NEGR1: variants seen among roughly 807,000 people sequenced by gnomAD.
NEGR1 encodes the protein IgLON family member 4.
A neutral mutation model predicts 40.9 loss-of-function variants in NEGR1; 10 were observed. That is an observed-to-expected ratio of 0.24 (90% CI 0.15 to 0.42). The LOEUF is 0.42. Among genes scored for constraint, NEGR1 ranks in the 10% least tolerant of loss-of-function variants. The pLI is 1.00. For synonymous variants in NEGR1, 185 were observed against 166.8 expected (o/e 1.11, Z -0.84); for missense variants, 352 against 438.9 (o/e 0.80, Z 1.77).
intron 1 of NEGR1, among the ~76,000 whole-genome samples, chr1:72,114,432 T>A (rs1649504038): frequency 6.6e-6 from 1 of 151,666 alleles, no homozygotes; most frequent in Admixed American, 6.6e-5. Context: ...TTAAAATAAA[T>A]CGTTATCTCT....
At chr1:72,052,818 A>T (rs1647074888) in intron 1 of NEGR1, among the ~76,000 whole-genome samples, 1 of 151,452 alleles carries the variant, frequency 6.6e-6, no homozygotes, top group South Asian at 2.1e-4. Context: ...AGACTTTATG[A>T]ACAATTTTTC....
intron 1 of NEGR1, among the ~76,000 whole-genome samples, chr1:72,189,111 C>A (rs1299834486): frequency 6.6e-6 from 1 of 151,494 alleles, no homozygotes; most frequent in East Asian, 1.9e-4. Flanking sequence ...TGCAGGAAGA[C>A]AGTCTCCCTA....
At chr1:71,839,466 G>A (rs1225257835) in intron 2 of NEGR1, among the ~76,000 whole-genome samples, 1 of 151,598 alleles carries the variant, frequency 6.6e-6, no homozygotes, top group East Asian at 1.9e-4. Flanking sequence ...CCACCTCAGA[G>A]TCACAAAGTG....
At chr1:71,441,492 T>G (rs1324207268) in intron 6 of NEGR1, among the ~76,000 whole-genome samples, 3 of 152,226 alleles carry the variant, frequency 2.0e-5, no homozygotes, top group Non-Finnish European at 4.4e-5. Context: ...TGGTGAATTA[T>G]GATGATCAAG....
intron 1 of NEGR1, among the ~76,000 whole-genome samples, chr1:72,027,539 T>C (rs1646822475): frequency 6.6e-6 from 1 of 151,880 alleles, no homozygotes; most frequent in African/African-American, 2.4e-5. Context: ...GAACCAGGTA[T>C]AAATAATAAT....
intron 3 of NEGR1, among the ~76,000 whole-genome samples, chr1:71,723,591 C>A (rs573524043): frequency 6.6e-6 from 1 of 152,188 alleles, no homozygotes; most frequent in East Asian, 1.9e-4. Context: ...TACCCCAGCT[C>A]CACAGAGACG....
intron 2 of NEGR1, among the ~76,000 whole-genome samples, chr1:71,804,140 A>C (rs1657666862): frequency 1.3e-5 from 2 of 152,160 alleles, no homozygotes; most frequent in African/African-American, 4.8e-5. Context: ...CATTTCTGAT[A>C]TTTATATAAA....
chr1:72,019,461 T>C (rs1233341610), intron 1 of NEGR1, among the ~76,000 whole-genome samples: 1 of 152,190 alleles, frequency 6.6e-6, no homozygotes, highest in Non-Finnish European at 1.5e-5. Flanking sequence ...ACCATATGCC[T>C]GGTTTCATCA....
At chr1:72,109,740 C>T (rs1277687858) in intron 1 of NEGR1, among the ~76,000 whole-genome samples, 1 of 151,580 alleles carries the variant, frequency 6.6e-6, no homozygotes, top group East Asian at 1.9e-4. Context: ...TCCTAACTGG[C>T]TTTAAATAAT....
At chr1:71,691,169 T>C (rs1653265364) in intron 4 of NEGR1, among the ~76,000 whole-genome samples, 1 of 151,934 alleles carries the variant, frequency 6.6e-6, no homozygotes, top group Non-Finnish European at 1.5e-5. Flanking sequence ...GTATGTCTAA[T>C]ATTTAAAACA....
chr1:71,545,842 A>G (rs1179792515), intron 6 of NEGR1, among the ~76,000 whole-genome samples: 1 of 151,634 alleles, frequency 6.6e-6, no homozygotes, highest in African/African-American at 2.4e-5. Flanking sequence ...CCTCCCATGC[A>G]TATATTTCTA....
At chr1:71,453,607 C>G (rs1646649113) in intron 6 of NEGR1, among the ~76,000 whole-genome samples, 1 of 152,146 alleles carries the variant, frequency 6.6e-6, no homozygotes, top group Admixed American at 6.5e-5. Context: ...GATAGAATTA[C>G]AATTTTTACC....
chr1:72,107,956 G>A (rs888694506), intron 1 of NEGR1, among the ~76,000 whole-genome samples: 1 of 151,204 alleles, frequency 6.6e-6, no homozygotes. Flanking sequence ...TCTATTTCCT[G>A]AAATCTGTGG....
At chr1:71,652,048 C>T (rs769543787) in intron 4 of NEGR1, among the ~76,000 whole-genome samples, 25 of 152,072 alleles carry the variant, frequency 1.6e-4, no homozygotes, top group Non-Finnish European at 2.9e-4. Flanking sequence ...TATTTTACAA[C>T]TAGAGAAACT....
At chr1:71,856,677 T>C (rs1659777200) in intron 2 of NEGR1, among the ~76,000 whole-genome samples, 1 of 152,084 alleles carries the variant, frequency 6.6e-6, no homozygotes, top group Admixed American at 6.6e-5. Flanking sequence ...TTTATTCTTT[T>C]GTCCATGTTA....
intron 1 of NEGR1, among the ~76,000 whole-genome samples, chr1:72,116,833 GC>G (rs1454238651): frequency 6.6e-6 from 1 of 151,576 alleles, no homozygotes; most frequent in Admixed American, 6.6e-5. Context: ...ACACTAAAAT[GC>G]CCTCCAATAT....
chr1:72,218,612 GT>G (rs1653904318), intron 1 of NEGR1, among the ~76,000 whole-genome samples: 1 of 151,842 alleles, frequency 6.6e-6, no homozygotes, highest in Admixed American at 6.6e-5. Context: ...GTTATAGGGA[GT>G]TGTTTTTTTT....
At chr1:71,416,651 A>G (rs1254982132) in intron 6 of NEGR1, among the ~76,000 whole-genome samples, 3 of 152,198 alleles carry the variant, frequency 2.0e-5, no homozygotes, top group African/African-American at 7.2e-5. Context: ...ATAAAATCCA[A>G]AGGACTTTGT....
intron 1 of NEGR1, among the ~76,000 whole-genome samples, chr1:72,162,649 A>G (rs1446769610): frequency 6.6e-6 from 1 of 152,138 alleles, no homozygotes; most frequent in Non-Finnish European, 1.5e-5. Context: ...CCAGAGTAGA[A>G]CAACAAGTGA....
Sources: allele counts gnomAD v4.1 joint callset (sites outside exome capture counted in the v4.1 genomes callset), GRCh38; gene constraint gnomAD v4.1.1; transcripts MANE v1.5; gene names NCBI Gene and HGNC (gene_info 2026-07-23, HGNC 2026-07-21).